The following XKR6 variants were observed in gnomAD, a reference collection of about 807,000 sequenced individuals.
The protein encoded by XKR6 is XK-related protein 6.
Under a neutral mutation model 56.7 loss-of-function variants are expected in XKR6, and 22 were observed. The ratio of observed to expected loss-of-function variants is 0.39; its 90% confidence interval spans 0.28 to 0.55. XKR6 has a LOEUF of 0.55. Ranked by LOEUF, XKR6 falls within the 20% of genes least tolerant of loss-of-function variation. The probability of loss-of-function intolerance (pLI) is 0.66; values close to 1 mark genes in which losing one functional copy is unlikely to be tolerated. For missense variants in XKR6, 852 were observed against 889.0 expected, an observed-to-expected ratio of 0.96 and a Z score of 0.53; for synonymous variants, 524 against 387.8, an observed-to-expected ratio of 1.35 and a Z score of -4.13.
chr8:11,031,462 G>T (rs1265132000), intron 1 of XKR6, among the ~76,000 whole-genome samples: 1 of 152,184 alleles, frequency 6.6e-6, no homozygotes, highest in Admixed American at 6.5e-5. Flanking sequence ...AGCCCACGGG[G>T]GTTCCTGGCT....
At chr8:11,076,886 T>G (rs1468851305) in intron 1 of XKR6, among the ~76,000 whole-genome samples, 1 of 152,164 alleles carries the variant, frequency 6.6e-6, no homozygotes, top group Non-Finnish European at 1.5e-5. Context: ...ATTCAAAGCA[T>G]GGAGAGCTGG....
chr8:10,994,539 A>G (rs1353827483), intron 1 of XKR6, among the ~76,000 whole-genome samples: 1 of 152,224 alleles, frequency 6.6e-6, no homozygotes, highest in African/African-American at 2.4e-5. Flanking sequence ...ACATGGTCAC[A>G]TCTGCTCTAA....
At chr8:11,120,996 G>C (rs2078717870) in intron 1 of XKR6, among the ~76,000 whole-genome samples, 1 of 152,188 alleles carries the variant, frequency 6.6e-6, no homozygotes, top group African/African-American at 2.4e-5. Context: ...GGAGAAAGCT[G>C]AAACTGGATC....
intron 1 of XKR6, among the ~76,000 whole-genome samples, chr8:11,184,779 G>A (rs1330313990): frequency 6.6e-5 from 10 of 151,968 alleles, no homozygotes; most frequent in Admixed American, 3.9e-4. Context: ...CAATCAACCC[G>A]CCTCAGCCTC....
intron 1 of XKR6, among the ~76,000 whole-genome samples, chr8:11,093,239 G>C (rs1043310297): frequency 5.3e-5 from 8 of 152,034 alleles, no homozygotes; most frequent in Non-Finnish European, 4.4e-5. Context: ...ATTTTTAGTA[G>C]AGACAGGCTT....
chr8:11,113,451 T>C (rs957772275), intron 1 of XKR6, among the ~76,000 whole-genome samples: 1 of 152,154 alleles, frequency 6.6e-6, no homozygotes, highest in Non-Finnish European at 1.5e-5. Context: ...AAAAATATAT[T>C]TGAACATGTA....
chr8:10,957,232 G>A (rs1028074090), intron 1 of XKR6, among the ~76,000 whole-genome samples: 1 of 152,174 alleles, frequency 6.6e-6, no homozygotes, highest in African/African-American at 2.4e-5. Flanking sequence ...ATTCCAGGCA[G>A]GAGCCACCTT....
intron 1 of XKR6, among the ~76,000 whole-genome samples, chr8:10,987,418 T>C (rs1183739659): frequency 6.6e-6 from 1 of 152,212 alleles, no homozygotes; most frequent in Non-Finnish European, 1.5e-5. Context: ...AGAGTCAACT[T>C]TGAATTCTCT....
chr8:11,147,642 G>A (rs1441803803), intron 1 of XKR6, among the ~76,000 whole-genome samples: 16 of 139,322 alleles, frequency 1.1e-4, no homozygotes, highest in East Asian at 2.0e-4. Context: ...GTGACAGAGC[G>A]AGACTCTGTC....
chr8:10,963,540 C>T (rs1377068632), intron 1 of XKR6, among the ~76,000 whole-genome samples: 1 of 113,266 alleles, frequency 8.8e-6, no homozygotes, highest in Admixed American at 7.7e-5. Context: ...ACAAAGAAGA[C>T]CCTTCCTTTT....
At chr8:11,173,408 T>C (rs150857616) in intron 1 of XKR6, among the ~76,000 whole-genome samples, 8 of 150,314 alleles carry the variant, frequency 5.3e-5, no homozygotes, top group Non-Finnish European at 1.0e-4. Context: ...CATATATATA[T>C]ACATATACAT....
chr8:10,986,387 T>C (rs907775084), intron 1 of XKR6, among the ~76,000 whole-genome samples: 2 of 152,224 alleles, frequency 1.3e-5, no homozygotes, highest in Non-Finnish European at 2.9e-5. Flanking sequence ...AAATATAACA[T>C]GATGCCCAGA....
chr8:10,977,775 G>A (rs1209419592), intron 1 of XKR6, among the ~76,000 whole-genome samples: 1 of 151,564 alleles, frequency 6.6e-6, no homozygotes, highest in Non-Finnish European at 1.5e-5. Context: ...CTGGACCACT[G>A]TCACAGGAGT....
At chr8:11,090,160 C>T (rs1798018573) in intron 1 of XKR6, among the ~76,000 whole-genome samples, 1 of 152,214 alleles carries the variant, frequency 6.6e-6, no homozygotes, top group South Asian at 2.1e-4. Context: ...TTATAGCTCA[C>T]TGCAGTCTCA....
chr8:11,141,069 A>G (rs1800671015), intron 1 of XKR6, among the ~76,000 whole-genome samples: 1 of 152,164 alleles, frequency 6.6e-6, no homozygotes, highest in South Asian at 2.1e-4. Context: ...TACAACACGT[A>G]ATGGTTACAC....
chr8:10,984,724 C>CTATATA (rs1393662292), intron 1 of XKR6, among the ~76,000 whole-genome samples: 36 of 74,878 alleles, frequency 4.8e-4, no homozygotes, highest in African/African-American at 1.9e-3. Context: ...CTCTCTCTCT[C>CTATATA]TCTCTCTCTA....
At chr8:11,005,992 C>T (rs192481952) in intron 1 of XKR6, among the ~76,000 whole-genome samples, 8 of 151,840 alleles carry the variant, frequency 5.3e-5, no homozygotes, top group East Asian at 3.9e-4. Context: ...TACAGATGCC[C>T]GCTACCACGC....
At chr8:11,139,865 C>A (rs1270615894) in intron 1 of XKR6, among the ~76,000 whole-genome samples, 1 of 152,112 alleles carries the variant, frequency 6.6e-6, no homozygotes, top group Non-Finnish European at 1.5e-5. Context: ...AAGATTTAAG[C>A]AGCAAAATCC....
At chr8:10,985,579 A>T (rs1797843322) in intron 1 of XKR6, among the ~76,000 whole-genome samples, 1 of 149,960 alleles carries the variant, frequency 6.7e-6, no homozygotes, top group African/African-American at 2.5e-5. Flanking sequence ...TGATGACAGA[A>T]TTCTACCATC....
Sources: gnomAD v4.1 joint callset for allele counts (sites outside exome capture counted in the v4.1 genomes callset) on GRCh38, gnomAD v4.1.1 for gene constraint, MANE v1.5 for transcripts, NCBI Gene and HGNC (gene_info 2026-07-23, HGNC 2026-07-21) for gene names.